Variants in NRP1 observed in about 807,000 individuals in gnomAD.
The protein encoded by NRP1 is neuropilin-1.
In NRP1, 35 loss-of-function variants were observed where a neutral mutation model predicts 106.7. That is an observed-to-expected ratio of 0.33 (90% CI 0.25 to 0.43). NRP1 has a LOEUF of 0.43. NRP1 is among the 20% of genes least tolerant of loss of function. NRP1 has a pLI of 1.00. For missense variants in NRP1, 1,024 were observed against 1,170.4 expected, an observed-to-expected ratio of 0.87 and a Z score of 1.83; for synonymous variants, 437 against 417.9, an observed-to-expected ratio of 1.05 and a Z score of -0.56.
chr10:33,214,153 A>G (rs138286196), intron 8 of NRP1, among the ~76,000 whole-genome samples: 66 of 152,288 alleles, frequency 4.3e-4, no homozygotes, highest in African/African-American at 1.5e-3. Context: ...GCAGAGGTAA[A>G]GAGAACGAAT....
chr10:33,267,779 G>A (rs113773146), intron 3 of NRP1, among the ~76,000 whole-genome samples: 1 of 152,198 alleles, frequency 6.6e-6, no homozygotes. Context: ...CATCTGGGAA[G>A]AGACATGTAG....
chr10:33,325,832 C>G (rs952116371), intron 2 of NRP1, among the ~76,000 whole-genome samples: 2 of 152,118 alleles, frequency 1.3e-5, no homozygotes, highest in Non-Finnish European at 2.9e-5. Flanking sequence ...GTTGGTTACA[C>G]AGAGGAGAGA....
intron 2 of NRP1, among the ~76,000 whole-genome samples, chr10:33,310,755 G>C (rs1846547238): frequency 6.6e-6 from 1 of 152,044 alleles, no homozygotes; most frequent in Non-Finnish European, 1.5e-5. Context: ...GGGTTCTTTC[G>C]TGGGAAGAAA....
At chr10:33,270,920 T>G (rs754564849) in intron 2 of NRP1, 64 bp from the exon 3 acceptor site, 1 of 1,384,614 alleles carries the variant, frequency 7.2e-7, no homozygotes, top group Non-Finnish European at 9.8e-7. Flanking sequence ...TTTCAATAAT[T>G]TAGACACCAG....
chr10:33,240,115 C>G (rs977757313), intron 6 of NRP1, among the ~76,000 whole-genome samples: 10 of 152,138 alleles, frequency 6.6e-5, no homozygotes, highest in African/African-American at 2.4e-4. Context: ...ACAAAAAAAG[C>G]CTCATGGAAG....
Position 33,221,817 on chromosome 10 carries a change from A to G in NRP1, c.1184T>C (p.Phe395Ser). The change falls in exon 8 of 17, where the codon TTC becomes TCC. Residue 395 changes from phenylalanine to serine, a missense_variant. Coordinates refer to ENST00000374867, the MANE Select transcript of NRP1 (RefSeq NM_003873.7). ...AAATCGAGTTATCAGTGGTTTGGGG[A>G]ATACTGCAACCACAACATCTGTGGG... The part of the protein sequence containing the change: ...TNPTDVVVAV[F>S]PKPLITRFVR... The G allele has an allele frequency of 6.2e-7, 1 of 1,614,036 alleles. No individual in the cohort carries two copies. The highest frequency in any genetic ancestry group is 1.3e-5 in the African/African-American group (1 of 75,034).
intron 2 of NRP1, among the ~76,000 whole-genome samples, chr10:33,288,068 G>T (rs555986273): frequency 6.6e-6 from 1 of 152,260 alleles, no homozygotes; most frequent in African/African-American, 2.4e-5. Context: ...AGTGAACTTT[G>T]ATGACAGTCC....
Position 33,221,752 on chromosome 10 carries a change from T to C in NRP1, c.1249A>G (p.Met417Val), listed in dbSNP as rs576366181. 1.9e-6 allele frequency: 3 copies of C among 1,614,152 alleles called. No homozygotes were observed. The highest frequency in any genetic ancestry group is 2.2e-5 in the East Asian group (1 of 44,862). The change falls in exon 8 of 17, where the codon ATG becomes GTG. Residue 417 changes from methionine to valine, a missense_variant. Around this residue, in one of 5 missense-constraint regions of NRP1, gnomAD observed 562 missense variants for 620.3 expected, o/e 0.91. Transcript: ENST00000374867. The stretch of plus-strand genomic sequence containing the variant: ...TTGCAACCGTATACTTCAAATCTCA[T>C]AGATATGCCAGTTTCCCAAGTTGCA... ...KPATWETGIS[M>V]RFEVYGCKIT... is the part of the protein sequence containing the mutation.
intron 6 of NRP1, among the ~76,000 whole-genome samples, chr10:33,232,298 C>A: frequency 6.6e-6 from 1 of 152,186 alleles, no homozygotes; most frequent in East Asian, 1.9e-4. Context: ...AACCTGCTTT[C>A]CCTCAACCCA....
chr10:33,320,392 C>T (rs1847415177), intron 2 of NRP1, among the ~76,000 whole-genome samples: 1 of 151,738 alleles, frequency 6.6e-6, no homozygotes, highest in African/African-American at 2.4e-5. Context: ...TGCTGGGAAC[C>T]AGAGGCCCCA....
At chr10:33,296,363 T>C (rs1434060303) in intron 2 of NRP1, among the ~76,000 whole-genome samples, 1 of 152,138 alleles carries the variant, frequency 6.6e-6, no homozygotes, top group African/African-American at 2.4e-5. Context: ...TTACTTTAAG[T>C]GGTTTTAGGA....
Position 33,283,346 on chromosome 10 carries a change from CT to C in NRP1, c.249-12491del, listed in dbSNP as rs1187215132. ...CATGCTTAGAGTACTTGTCCGTTTT[CT>C]TTTTTTCATTTTTTGAAATTCTATT... On this transcript the variant is annotated intron_variant, in intron 2 of 16. Coordinates refer to ENST00000374867, the MANE Select transcript of NRP1 (RefSeq NM_003873.7). Among the ~76,000 whole-genome samples, 5 of 152,046 alleles carry C rather than the reference CT, an allele frequency of 3.3e-5. No homozygotes were observed. In the East Asian group the frequency reaches 7.7e-4, roughly 23 times the overall value.
At chr10:33,253,184 G>A (rs991127555) in intron 6 of NRP1, among the ~76,000 whole-genome samples, 5 of 152,142 alleles carry the variant, frequency 3.3e-5, no homozygotes, top group African/African-American at 1.2e-4. Context: ...ATTTAACAGT[G>A]AGTGAAAAAC....
At chr10:33,300,089 T>C (rs141223269) in intron 2 of NRP1, among the ~76,000 whole-genome samples, 48 of 152,350 alleles carry the variant, frequency 3.2e-4, no homozygotes, top group Non-Finnish European at 5.6e-4. Context: ...CAGTCCCCTG[T>C]ATTCCTGTAC....
At chr10:33,230,531 CTG>C (rs1840029247) in intron 6 of NRP1, among the ~76,000 whole-genome samples, 1 of 152,024 alleles carries the variant, frequency 6.6e-6, no homozygotes, top group Non-Finnish European at 1.5e-5. Context: ...TCAGTGGAGA[CTG>C]AGATAAAATT....
chr10:33,184,365 T>C (rs1189233931), intron 15 of NRP1, among the ~76,000 whole-genome samples: 3 of 152,244 alleles, frequency 2.0e-5, no homozygotes, highest in African/African-American at 7.2e-5. Flanking sequence ...GCATATGGTA[T>C]GTAGTCAGTT....
chr10:33,228,846 T>C (rs997607325), intron 6 of NRP1, among the ~76,000 whole-genome samples: 1 of 152,246 alleles, frequency 6.6e-6, no homozygotes, highest in Non-Finnish European at 1.5e-5. Flanking sequence ...TTTAATATTT[T>C]AGAATACTAA....
At chr10:33,256,170 TA>T (rs1248905189) in intron 5 of NRP1, 145 bp downstream of exon 5, 27 of 765,464 alleles carry the variant, frequency 3.5e-5, no homozygotes, top group African/African-American at 3.1e-4. Context: ...TTGATACTCA[TA>T]AAAAAACATT....
intron 2 of NRP1, among the ~76,000 whole-genome samples, chr10:33,294,390 G>A (rs1845226728): frequency 6.6e-6 from 1 of 152,172 alleles, no homozygotes; most frequent in Admixed American, 6.5e-5. Flanking sequence ...GGCCGAAGAG[G>A]GCGGATCTCC....
Sources: gnomAD v4.1 joint callset for allele counts (sites outside exome capture counted in the v4.1 genomes callset) on GRCh38, gnomAD v4.1.1 for gene constraint, gnomAD v4.1.1 regional missense constraint, MANE v1.5 for transcripts, NCBI Gene and HGNC (gene_info 2026-07-23, HGNC 2026-07-21) for gene names.